Variants in CSMD1 observed in about 807,000 individuals in gnomAD.
CSMD1 encodes the protein CUB and Sushi multiple domains 1.
A neutral mutation model predicts 417.5 loss-of-function variants in CSMD1; 213 were observed. The ratio of observed to expected loss-of-function variants is 0.51; its 90% CI spans 0.46 to 0.57. CSMD1 has a LOEUF of 0.57. Ranked by LOEUF, CSMD1 falls within the 20% of genes least tolerant of loss-of-function variation. The probability of loss-of-function intolerance (pLI) is 0.00; values close to 1 mark genes in which losing one functional copy is unlikely to be tolerated. For missense variants in CSMD1, 6,923 were observed against 4,529.7 expected (o/e 1.53, Z -15.17); for synonymous variants, 2,862 against 1,736.8 (o/e 1.65, Z -16.11).
chr8:3,486,794 C>G (rs1283350083), intron 11 of CSMD1, among the ~76,000 whole-genome samples: 1 of 152,250 alleles, frequency 6.6e-6, no homozygotes, highest in Non-Finnish European at 1.5e-5. Flanking sequence ...GATAGCTCCA[C>G]TGCAGCTGCT....
At chr8:4,235,712 G>A (rs191513374) in intron 3 of CSMD1, among the ~76,000 whole-genome samples, 1 of 152,210 alleles carries the variant, frequency 6.6e-6, no homozygotes, top group East Asian at 1.9e-4. Flanking sequence ...TTATTCTTGT[G>A]ATATGTAAGT....
rs1195090689 is a variant in CSMD1 at position 4,994,524 on chromosome 8, G to C, written c.-108C>G. The C allele has an allele frequency of 1.9e-6, 2 of 1,048,168 alleles. No individual in the cohort carries two copies. The highest frequency in any genetic ancestry group is 2.8e-6 in the Non-Finnish European group (2 of 710,406). The allele number at this position is 1,048,168 out of a possible 1,614,324, so 64.9% of individuals were successfully genotyped here. ...GAGGGCAAGGCGAGCCGGAGAGAGA[G>C]CCCGGTCCCAAGACCCGCCGCGCAT... On this transcript the variant is annotated 5_prime_UTR_variant, in exon 1 of 70. Transcript: ENST00000635120.
chr8:3,678,718 T>A (rs1240955545), intron 7 of CSMD1, among the ~76,000 whole-genome samples: 1 of 151,840 alleles, frequency 6.6e-6, no homozygotes, highest in Non-Finnish European at 1.5e-5. Flanking sequence ...GAAGAGCAAC[T>A]CCAAGACACA....
At chr8:4,157,962 T>C (rs1040087741) in intron 3 of CSMD1, among the ~76,000 whole-genome samples, 13 of 152,312 alleles carry the variant, frequency 8.5e-5, no homozygotes, top group African/African-American at 2.9e-4. Context: ...TTTAGCAACG[T>C]ATGCCGAGAT....
rs1223156892 is a variant in CSMD1 at position 3,823,376 on chromosome 8, G to A, written c.819-69334C>T. 2.0e-5 allele frequency among the ~76,000 whole-genome samples: 3 copies of A among 152,106 alleles called. No homozygotes were observed. The South Asian group carries it at 6.2e-4, about 32-fold the overall frequency. ...TTAATCCCGGTTGCATTATTTAAAG[G>A]AAAGTTAAATACTGTTAGATTTCAA... is the stretch of plus-strand genomic sequence containing the variant. On this transcript the variant is annotated intron_variant, in intron 5 of 69. Coordinates refer to ENST00000635120, the MANE Select transcript of CSMD1 (RefSeq NM_033225.6).
intron 4 of CSMD1, among the ~76,000 whole-genome samples, chr8:4,004,902 G>C (rs1815986019): frequency 6.6e-6 from 1 of 151,934 alleles, no homozygotes; most frequent in African/African-American, 2.4e-5. Flanking sequence ...CCGCCACCAT[G>C]CCCAGCTAAT....
At chr8:3,438,786 T>G (rs1814741546) in intron 12 of CSMD1, among the ~76,000 whole-genome samples, 1 of 151,946 alleles carries the variant, frequency 6.6e-6, no homozygotes, top group Non-Finnish European at 1.5e-5. Context: ...GAAGTGCAAT[T>G]GTCGGGTCAT....
chr8:3,750,577 A>G (rs374860825), intron 6 of CSMD1, among the ~76,000 whole-genome samples: 3 of 152,148 alleles, frequency 2.0e-5, no homozygotes, highest in African/African-American at 4.8e-5. Flanking sequence ...TAGTTCAGAT[A>G]AAAGGTACAA....
At position 3,789,845 on chromosome 8, in the gene CSMD1, C is replaced by A. The variant is rs185874033; in HGVS notation, c.819-35803G>T. On this transcript the variant is annotated intron_variant, in intron 5 of 69. Coordinates refer to ENST00000635120, the MANE Select transcript of CSMD1 (RefSeq NM_033225.6). ...TCCCGGGGGTTGCACCATTCTCCTG[C>A]CTCAGCCTCCCAAGTAGCTGGGACT... Among the ~76,000 whole-genome samples the A allele has an allele frequency of 1.1e-3, 163 of 151,328 alleles. 1 individual carries two copies. The South Asian group carries it at 0.011, about 10-fold the overall frequency.
At chr8:4,701,037 A>G (rs1368247153) in intron 1 of CSMD1, among the ~76,000 whole-genome samples, 1 of 152,186 alleles carries the variant, frequency 6.6e-6, no homozygotes, top group African/African-American at 2.4e-5. Context: ...ACTAGTGAAC[A>G]AAGTATGAGT....
chr8:3,466,303 G>A (rs964130458), intron 12 of CSMD1, among the ~76,000 whole-genome samples: 13 of 152,176 alleles, frequency 8.5e-5, no homozygotes, highest in African/African-American at 2.9e-4. Context: ...GGGGAGTACA[G>A]CTCCAGAGCC....
At chr8:3,201,045 G>A (rs761334323) in intron 32 of CSMD1, among the ~76,000 whole-genome samples, 4 of 152,174 alleles carry the variant, frequency 2.6e-5, no homozygotes, top group Admixed American at 6.5e-5. Context: ...GGTGCATACC[G>A]TGTTTGTTAG....
intron 3 of CSMD1, among the ~76,000 whole-genome samples, chr8:4,075,293 G>C (rs776251615): frequency 1.1e-4 from 17 of 152,048 alleles, no homozygotes; most frequent in Non-Finnish European, 2.1e-4. Context: ...GTTGATATAT[G>C]TTTATGTAAA....
intron 1 of CSMD1, among the ~76,000 whole-genome samples, chr8:4,808,769 C>CCTTG (rs1453238420): frequency 6.6e-6 from 1 of 152,172 alleles, no homozygotes; most frequent in Non-Finnish European, 1.5e-5. Context: ...TTATTTAGAA[C>CCTTG]CTTGGTATCA....
At chr8:3,534,410 C>G (rs1259640763) in intron 10 of CSMD1, among the ~76,000 whole-genome samples, 1 of 151,268 alleles carries the variant, frequency 6.6e-6, no homozygotes, top group Non-Finnish European at 1.5e-5. Context: ...GCCTCTTGAT[C>G]TTCTCTCCTT....
chr8:3,592,278 T>C (rs1323863909), intron 8 of CSMD1, among the ~76,000 whole-genome samples: 1 of 152,066 alleles, frequency 6.6e-6, no homozygotes, highest in Non-Finnish European at 1.5e-5. Flanking sequence ...TCTTTCTGTG[T>C]TAAAAAGTCC....
intron 40 of CSMD1, among the ~76,000 whole-genome samples, chr8:3,148,874 G>A (rs1298247763): frequency 6.6e-6 from 1 of 152,134 alleles, no homozygotes; most frequent in Non-Finnish European, 1.5e-5. Context: ...CAAACCTGGT[G>A]CGTTACTCAA....
At chr8:3,460,152 G>C (rs886119419) in intron 12 of CSMD1, among the ~76,000 whole-genome samples, 2 of 152,160 alleles carry the variant, frequency 1.3e-5, no homozygotes, top group Non-Finnish European at 2.9e-5. Context: ...TTGTGTAGCA[G>C]CAAATCACAT....
At chr8:4,447,990 T>G (rs1277953815) in intron 2 of CSMD1, among the ~76,000 whole-genome samples, 1 of 152,196 alleles carries the variant, frequency 6.6e-6, no homozygotes, top group East Asian at 1.9e-4. Context: ...CTTGGAAATT[T>G]TTGCCAGGGG....
Sources: allele counts gnomAD v4.1 joint callset (sites outside exome capture counted in the v4.1 genomes callset), GRCh38; gene constraint gnomAD v4.1.1; transcripts MANE v1.5; gene names NCBI Gene and HGNC (gene_info 2026-07-23, HGNC 2026-07-21).